Variants in TARDBP observed in about 807,000 individuals in gnomAD.
The protein encoded by TARDBP is TAR DNA-binding protein 43.
TARDBP carries 4 observed loss-of-function variants against 38.3 expected under a neutral mutation model. The observed-to-expected ratio is 0.10, with a 90% CI of 0.05 to 0.24. The LOEUF (loss-of-function observed/expected upper bound fraction) is 0.24. Ranked by LOEUF, TARDBP falls within the 10% of genes least tolerant of loss-of-function variation. The pLI is 1.00. For missense variants in TARDBP, 202 were observed against 521.9 expected, an observed-to-expected ratio of 0.39 and a Z score of 5.97; for synonymous variants, 184 against 183.8, an observed-to-expected ratio of 1.00 and a Z score of -0.01.
At chr1:11,017,315 C>T (rs1318456391) in intron 3 of TARDBP, among the ~76,000 whole-genome samples, 1 of 151,356 alleles carries the variant, frequency 6.6e-6, no homozygotes, top group Admixed American at 6.6e-5. Flanking sequence ...GTGATTTCTC[C>T]TGTCTCGGCC....
downstream of TARDBP, chr1:11,029,879 C>G (rs1643812923): frequency 1.5e-5 from 3 of 199,924 alleles, no homozygotes; most frequent in Non-Finnish European, 2.0e-5. Flanking sequence ...CTGCCTCGGC[C>G]TCCCAAAGTG....
At chr1:11,028,706 CTTTTTTTTTT>C, downstream of TARDBP, among the ~76,000 whole-genome samples, 1 of 12,060 alleles carries the variant, frequency 8.3e-5, no homozygotes, top group South Asian at 1.4e-3. Context: ...GGTTTTTTTT[CTTTTTTTTTT>C]TTTTTTTTTT....
chr1:11,030,485 A>G (rs1557667117), downstream of TARDBP: 1 of 579,474 alleles, frequency 1.7e-6, no homozygotes, highest in Non-Finnish European at 3.0e-6. Context: ...TCAAGTGCTT[A>G]ATGATAAGGT....
chr1:11,022,802 T>G lies in TARDBP; in HGVS notation c.*148T>G. 7.1e-7 allele frequency: 1 copy of G among 1,405,134 alleles called. No homozygotes were observed. The highest frequency in any genetic ancestry group is 1.9e-5 in the South Asian group (1 of 52,610). The allele number at this position is 1,405,134 out of a possible 1,614,324, so 87.0% of individuals were successfully genotyped here. On this transcript the variant is annotated 3_prime_UTR_variant, in exon 6 of 6. Coordinates refer to ENST00000240185, the MANE Select transcript of TARDBP (RefSeq NM_007375.4). This position sits in a 1 kb window ranked among gnomAD's most constrained non-coding sequence, Gnocchi z 4.5. ...AGTATATTCAGCAGTATTTTTGACA[T>G]TTTTCTTTAGAAAAAGGAAGAGCTA...
intron 1 of TARDBP, among the ~76,000 whole-genome samples, chr1:11,012,977 G>A (rs866260664): frequency 1.3e-5 from 2 of 152,374 alleles, no homozygotes; most frequent in Middle Eastern, 6.8e-3. Flanking sequence ...CTGAGGCGGA[G>A]GTTGGCCCCG....
At position 11,024,842 on chromosome 1, in the gene TARDBP, C is replaced by T. The variant is rs890283438; in HGVS notation, c.*2188C>T. 6.6e-6 allele frequency: 1 copy of T among 152,644 alleles called. No homozygotes were observed. Among genetic ancestry groups the T allele is most frequent in the African/African-American group, 2.4e-5 (1 of 41,470 alleles). The allele number at this position is 152,644 out of a possible 1,614,324, so 9.5% of individuals were successfully genotyped here. ...TGTAACTAATTCTGTGAGAGTTGAG[C>T]TCATTTTCTAGTTGGAAGAATGTGA... On this transcript the variant is annotated 3_prime_UTR_variant, in exon 6 of 6. Coordinates refer to ENST00000240185, the MANE Select transcript of TARDBP (RefSeq NM_007375.4).
rs1643674888 is a variant in TARDBP, at chr1:11,023,201, A to G, written c.*547A>G. The G allele has an allele frequency of 6.5e-7, 1 of 1,550,114 alleles. No individual in the cohort carries two copies. The highest frequency in any genetic ancestry group is 8.7e-7 in the Non-Finnish European group (1 of 1,146,624). On this transcript the variant is annotated 3_prime_UTR_variant, in exon 6 of 6. Transcript: ENST00000240185. ...TCATTTAATCTCTGCAGTTCATCTC[A>G]TTTCAAATGTTTATGGAAGAAGCAC...
chr1:11,019,122 A>G, intron 4 of TARDBP: 1 of 526,512 alleles, frequency 1.9e-6, no homozygotes, highest in Non-Finnish European at 3.4e-6. Context: ...TGGAAAAGAG[A>G]AAAGGTTATT....
At chr1:11,026,968 A>T (rs1256151482), downstream of TARDBP, 1 of 1,561,798 alleles carries the variant, frequency 6.4e-7, no homozygotes, top group East Asian at 2.2e-5. Flanking sequence ...GCTTCCCCAC[A>T]ATTCATGGAA....
rs1643701955 is a variant in TARDBP, at chr1:11,024,857, G to A, written c.*2203G>A. 6.6e-6 allele frequency: 1 copy of A among 152,588 alleles called. No homozygotes were observed. Among genetic ancestry groups the A allele is most frequent in the Admixed American group, 6.6e-5 (1 of 15,260 alleles). The allele number at this position is 152,588 out of a possible 1,614,324, so 9.5% of individuals were successfully genotyped here. A position where few individuals can be genotyped will look rare whatever the true frequency, so the allele number is the denominator to read the frequency against. ...GAGAGTTGAGCTCATTTTCTAGTTG[G>A]AAGAATGTGATATTTGTTGTGTTGG... On this transcript the variant is annotated 3_prime_UTR_variant, in exon 6 of 6. Coordinates refer to ENST00000240185, the MANE Select transcript of TARDBP (RefSeq NM_007375.4).
rs572048867 is a variant in TARDBP, at chr1:11,019,004, C to A, written c.543+131C>A. ...TGAAATCCTTTTGTCTTGTTGAAGT[C>A]TTTGGCCCTTAGTGCATGCTGAATA... On this transcript the variant is annotated intron_variant, in intron 4 of 5. Transcript: ENST00000240185. 43 of 1,326,844 alleles carry A rather than the reference C, an allele frequency of 3.2e-5. No individual in the cohort carries two copies. The African/African-American group carries it at 5.8e-4, about 18-fold the overall frequency. 82.2% of individuals were successfully genotyped at this position (1,326,844 alleles called of 1,614,324 possible). A position where few individuals can be genotyped will look rare whatever the true frequency, so the allele number is the denominator to read the frequency against.
chr1:11,026,969 A>G, downstream of TARDBP: 4 of 1,563,178 alleles, frequency 2.6e-6, no homozygotes, highest in Non-Finnish European at 3.5e-6. Flanking sequence ...CTTCCCCACA[A>G]TTCATGGAAC....
chr1:11,017,091 G>A, intron 3 of TARDBP, 84 bp downstream of exon 3: 1 of 1,422,714 alleles, frequency 7.0e-7, no homozygotes, highest in African/African-American at 1.4e-5. Context: ...TAGAGATGGG[G>A]TATCACTATG....
chr1:11,018,864 T>A lies in TARDBP; in HGVS notation c.534T>A (p.Pro178=), dbSNP rs1377701327. The A allele has an allele frequency of 6.2e-7, 1 of 1,614,140 alleles. No individual in the cohort carries two copies. Among genetic ancestry groups the A allele is most frequent in the Non-Finnish European group, 8.5e-7 (1 of 1,180,032 alleles). Residue 178 remains proline, a synonymous_variant, in exon 4 of 6, where the codon CCT becomes CCA. Coordinates refer to ENST00000240185, the MANE Select transcript of TARDBP (RefSeq NM_007375.4). Reference sequence around the variant, plus strand: ...GACGATGGTGTGACTGCAAACTTCCTAATTCTAAGGTACTTGCGTCTGTGC... The same window carrying A: ...GACGATGGTGTGACTGCAAACTTCCAAATTCTAAGGTACTTGCGTCTGTGC... ...IDGRWCDCKL[P]NSKQSQDEPL...
intron 5 of TARDBP, among the ~76,000 whole-genome samples, chr1:11,021,007 A>G (rs1401422108): frequency 1.3e-5 from 2 of 152,224 alleles, no homozygotes; most frequent in East Asian, 3.8e-4. Context: ...CTGACCTTGT[A>G]AGACGTAGGG....
At chr1:11,014,677 G>A (rs1325346428) in intron 2 of TARDBP, among the ~76,000 whole-genome samples, 1 of 152,136 alleles carries the variant, frequency 6.6e-6, no homozygotes, top group African/African-American at 2.4e-5. Flanking sequence ...GGTGACTCAT[G>A]CCTGTAATCC....
Position 11,023,202 on chromosome 1 carries a change from T to C in TARDBP, c.*548T>C. The C allele has an allele frequency of 6.4e-7, 1 of 1,550,500 alleles. No homozygotes were observed. The highest frequency in any genetic ancestry group is 2.0e-5 in the Admixed American group (1 of 51,002). On this transcript the variant is annotated 3_prime_UTR_variant, in exon 6 of 6. Coordinates refer to ENST00000240185, the MANE Select transcript of TARDBP (RefSeq NM_007375.4). ...CATTTAATCTCTGCAGTTCATCTCATTTCAAATGTTTATGGAAGAAGCACT... is the reference window on the plus strand; with the variant it reads ...CATTTAATCTCTGCAGTTCATCTCACTTCAAATGTTTATGGAAGAAGCACT...
intron 2 of TARDBP, among the ~76,000 whole-genome samples, chr1:11,015,099 C>T (rs985538894): frequency 3.3e-5 from 5 of 149,462 alleles, no homozygotes; most frequent in East Asian, 2.0e-4. Flanking sequence ...AGCAAGACTT[C>T]GTCTCAAAAA....
intron 2 of TARDBP, among the ~76,000 whole-genome samples, chr1:11,015,060 T>A (rs1412548440): frequency 6.7e-6 from 1 of 149,758 alleles, no homozygotes; most frequent in Non-Finnish European, 1.5e-5. Context: ...TAAGCTGAGG[T>A]CGCGCCGCTA....
Sources: allele counts gnomAD v4.1 joint callset (sites outside exome capture counted in the v4.1 genomes callset), GRCh38; gene constraint gnomAD v4.1.1; non-coding constraint Gnocchi (gnomAD v3.1); transcripts MANE v1.5; gene names NCBI Gene and HGNC (gene_info 2026-07-23, HGNC 2026-07-21).